The following MED12L variants were observed in gnomAD, a reference collection of about 807,000 sequenced individuals.
MED12L encodes mediator of RNA polymerase II transcription subunit 12-like protein.
Under a neutral mutation model 281.3 loss-of-function variants are expected in MED12L, and 60 were observed. The ratio of observed to expected loss-of-function variants is 0.21; its 90% CI spans 0.17 to 0.26. The LOEUF (loss-of-function observed/expected upper bound fraction) is 0.26. Ranked by LOEUF, MED12L falls within the 10% of genes least tolerant of loss-of-function variation. The pLI is 1.00. For missense variants in MED12L, 2,146 were observed against 2,680.9 expected (o/e 0.80, Z 4.41); for synonymous variants, 974 against 987.2 (o/e 0.99, Z 0.25).
At chr3:151,285,635 ACTT>A (rs966003329) in intron 16 of MED12L, among the ~76,000 whole-genome samples, 9 of 152,176 alleles carry the variant, frequency 5.9e-5, no homozygotes, top group African/African-American at 2.2e-4. Flanking sequence ...CCGCTAAAGA[ACTT>A]CTCCATGTAA....
At chr3:151,336,285 C>G (rs527434822) in intron 16 of MED12L, among the ~76,000 whole-genome samples, 2 of 152,292 alleles carry the variant, frequency 1.3e-5, no homozygotes, top group Admixed American at 6.5e-5. Context: ...TGAACTGTCT[C>G]TGTATCTCCA....
At chr3:151,181,476 T>TCTGGGCTCAAGTAATCCTC (rs1191096377) in intron 11 of MED12L, among the ~76,000 whole-genome samples, 1 of 151,746 alleles carries the variant, frequency 6.6e-6, no homozygotes, top group Non-Finnish European at 1.5e-5. Context: ...GCCTCGAACT[T>TCTGGGCTCAAGTAATCCTC]CTGGGCTCAA....
chr3:151,165,730 C>T, intron 10 of MED12L, 116 bp from the exon 11 acceptor site: 2 of 1,139,008 alleles, frequency 1.8e-6, no homozygotes, highest in East Asian at 2.4e-5. Context: ...TAACATATGC[C>T]AAGAATGATA....
chr3:151,291,105 A>G (rs910988789), intron 16 of MED12L, among the ~76,000 whole-genome samples: 4 of 147,976 alleles, frequency 2.7e-5, no homozygotes, highest in African/African-American at 9.9e-5. Flanking sequence ...TACAGTCTTT[A>G]TAAGATTTAA....
chr3:151,177,958 C>T (rs900099111), intron 11 of MED12L, among the ~76,000 whole-genome samples: 1 of 151,972 alleles, frequency 6.6e-6, no homozygotes, highest in Non-Finnish European at 1.5e-5. Flanking sequence ...ATTATTCCCT[C>T]CCCTCAAGCC....
chr3:151,189,355 T>C (rs2149090257), intron 13 of MED12L, among the ~76,000 whole-genome samples: 1 of 152,080 alleles, frequency 6.6e-6, no homozygotes, highest in East Asian at 1.9e-4. Context: ...GGTTGGAACA[T>C]AGGGAGGAGT....
In MED12L at chr3:151,198,434, T is replaced by A; in HGVS notation, c.2250+4768T>A. 3 of 1,603,226 alleles carry A rather than the reference T, an allele frequency of 1.9e-6. No homozygotes were observed. The African/African-American group carries it at 4.0e-5, about 21-fold the overall frequency. ...CACAAAAAATCCTGTCTTTTATGCA[T>A]TATTTTCACATCTTAATTTTTCTTT... is the stretch of plus-strand genomic sequence containing the variant. On this transcript the variant is annotated intron_variant, in intron 16 of 44. Coordinates refer to ENST00000687756, the MANE Select transcript of MED12L (RefSeq NM_001393769.1).
chr3:151,193,794 C>T (rs1464223661), intron 16 of MED12L, 128 bp downstream of exon 16: 10 of 767,662 alleles, frequency 1.3e-5, no homozygotes, highest in Admixed American at 5.2e-5. Flanking sequence ...TGCATTTGCT[C>T]CTGCTTCTGT....
rs868177420 is a variant in MED12L at position 151,416,374 on chromosome 3, C to T, written c.6360C>T (p.Ser2120=). The T allele has an allele frequency of 1.2e-6, 2 of 1,611,760 alleles. No homozygotes were observed. Among genetic ancestry groups the T allele is most frequent in the African/African-American group, 2.7e-5 (2 of 74,618 alleles). The change falls in exon 43 of 45, where the codon TCC becomes TCT. Residue 2120 remains serine (S), a synonymous_variant. Coordinates refer to ENST00000687756, the MANE Select transcript of MED12L (RefSeq NM_001393769.1). ...QPPQPQQSSQ[S]QSQTLGLQAM... ...CCCAGCCCCAGCAGTCCTCGCAGTC[C>T]CAGAGTCAGACCCTTGGTCTCCAAG...
chr3:151,132,925 G>T (rs527931826), intron 5 of MED12L, among the ~76,000 whole-genome samples: 1 of 152,206 alleles, frequency 6.6e-6, no homozygotes. Context: ...CCTAGCAAGG[G>T]ATACAGCCAA....
chr3:151,236,367 C>T (rs898890770), intron 16 of MED12L, among the ~76,000 whole-genome samples: 2 of 152,190 alleles, frequency 1.3e-5, no homozygotes, highest in African/African-American at 4.8e-5. Context: ...CTCTGGATCA[C>T]AGAATTAGAA....
intron 16 of MED12L, among the ~76,000 whole-genome samples, chr3:151,303,508 A>G (rs28497341): frequency 0.44 from 66,407 of 152,016 alleles, 14,812 homozygotes; most frequent in Middle Eastern, 0.64. Context: ...CACGCCTGTA[A>G]TCCCAGCACT....
At chr3:151,286,845 A>G (rs1346569691) in intron 16 of MED12L, among the ~76,000 whole-genome samples, 2 of 152,202 alleles carry the variant, frequency 1.3e-5, no homozygotes, top group East Asian at 1.9e-4. Context: ...ATTTATAATT[A>G]TAAGGGAATA....
At chr3:151,349,796 C>T (rs1577400902) in intron 16 of MED12L, among the ~76,000 whole-genome samples, 1 of 151,110 alleles carries the variant, frequency 6.6e-6, no homozygotes. Flanking sequence ...CCAAAACTTA[C>T]TTTGTAGGGT....
intron 16 of MED12L, among the ~76,000 whole-genome samples, chr3:151,208,321 G>T (rs78006263): frequency 0.056 from 8,528 of 152,110 alleles, 707 homozygotes; most frequent in African/African-American, 0.18. Context: ...GAAAGATAAT[G>T]GTTGAAAGTA....
chr3:151,238,072 T>C (rs1456873551), intron 16 of MED12L, among the ~76,000 whole-genome samples: 1 of 152,198 alleles, frequency 6.6e-6, no homozygotes, highest in Admixed American at 6.5e-5. Context: ...TTTTCTTTTC[T>C]AACTAGTGCT....
At chr3:151,264,133 T>C (rs1739407971) in intron 16 of MED12L, among the ~76,000 whole-genome samples, 1 of 152,226 alleles carries the variant, frequency 6.6e-6, no homozygotes, top group East Asian at 1.9e-4. Context: ...GACATTTGGG[T>C]TATTTCATTG....
At chr3:151,361,355 G>A (rs990746862) in intron 21 of MED12L, among the ~76,000 whole-genome samples, 8 of 151,974 alleles carry the variant, frequency 5.3e-5, no homozygotes, top group African/African-American at 1.7e-4. Flanking sequence ...TTAAAAGTAG[G>A]AAACCTGGTT....
intron 16 of MED12L, among the ~76,000 whole-genome samples, chr3:151,311,809 G>A (rs779513251): frequency 1.4e-4 from 22 of 152,116 alleles, no homozygotes; most frequent in Non-Finnish European, 2.2e-4. Context: ...GGCAGACCAC[G>A]AGGTCGGGAG....
Sources: allele counts gnomAD v4.1 joint callset (sites outside exome capture counted in the v4.1 genomes callset), GRCh38; gene constraint gnomAD v4.1.1; transcripts MANE v1.5; gene names NCBI Gene and HGNC (gene_info 2026-07-23, HGNC 2026-07-21).